Variants in TMC2 observed in about 807,000 individuals in gnomAD.
TMC2 encodes transmembrane channel-like protein 2.
A neutral mutation model predicts 105.9 loss-of-function variants in TMC2; 102 were observed. That is an observed-to-expected ratio of 0.96 (90% CI 0.82 to 1.14). The LOEUF (loss-of-function observed/expected upper bound fraction) is 1.14, where lower values mean the gene tolerates loss of function less well. Ranked by LOEUF, TMC2 falls within the 50% of genes most tolerant of loss-of-function variation. TMC2 has a pLI of 0.00. For synonymous variants in TMC2, 402 were observed against 422.8 expected, an observed-to-expected ratio of 0.95 and a Z score of 0.60; for missense variants, 1,093 against 1,134.3, an observed-to-expected ratio of 0.96 and a Z score of 0.52.
At chr20:2,581,976 AAGAG>A (rs373484242) in intron 7 of TMC2, among the ~76,000 whole-genome samples, 13 of 151,284 alleles carry the variant, frequency 8.6e-5, no homozygotes, top group African/African-American at 3.1e-4. Flanking sequence ...GGTTGAGAGT[AAGAG>A]AGAGAGAGAG....
Position 2,561,948 on chromosome 20 carries a change from G to A in TMC2, c.492G>A (p.Lys164=), listed in dbSNP as rs1600101619. ...TCCTGGAGCAGGTGGAAGAAAAAAAGAAGCTCATTGCCACCATGCGGAGCA... is the reference window on the plus strand; with the variant it reads ...TCCTGGAGCAGGTGGAAGAAAAAAAAAAGCTCATTGCCACCATGCGGAGCA... ...AQILEQVEEK[K]KLIATMRSKP... Residue 164 remains lysine (K), a synonymous_variant, in exon 4 of 20, where the codon AAG becomes AAA. Transcript: ENST00000358864. 1 of 1,614,250 alleles carries A rather than the reference G, an allele frequency of 6.2e-7. No individual in the cohort carries two copies.
At chr20:2,602,402 C>A in intron 11 of TMC2, 101 bp downstream of exon 11, 1 of 892,652 alleles carries the variant, frequency 1.1e-6, no homozygotes, top group Non-Finnish European at 1.6e-6. Flanking sequence ...GGATTATAGG[C>A]TTGTTTTAAT....
chr20:2,595,625 T>C (rs1260704363), intron 9 of TMC2, among the ~76,000 whole-genome samples: 1 of 152,186 alleles, frequency 6.6e-6, no homozygotes, highest in Admixed American at 6.5e-5. Context: ...CATGGATTGA[T>C]CGCCTTCTTC....
chr20:2,609,360 C>A (rs2086417619), intron 11 of TMC2, among the ~76,000 whole-genome samples: 1 of 152,094 alleles, frequency 6.6e-6, no homozygotes, highest in Non-Finnish European at 1.5e-5. Context: ...GATGGGAGAA[C>A]TGAGGAATAG....
At chr20:2,624,704 AT>A (rs373947400) in intron 17 of TMC2, among the ~76,000 whole-genome samples, 194 of 152,270 alleles carry the variant, frequency 1.3e-3, no homozygotes, top group African/African-American at 4.3e-3. Flanking sequence ...CATGGGTAAA[AT>A]GGCTTCAAGG....
intron 2 of TMC2, among the ~76,000 whole-genome samples, chr20:2,546,483 G>GCTGGGCATAAGCTGTAGATC (rs1555770070): frequency 2.0e-5 from 3 of 149,774 alleles, no homozygotes; most frequent in African/African-American, 4.9e-5. Context: ...AACCTGCAGA[G>GCTGGGCATAAGCTGTAGATC]TTGGGCATAA....
rs548950416 is a variant in TMC2 at position 2,616,343 on chromosome 20, A to G, written c.1940+139A>G. 8.4e-6 allele frequency: 6 copies of G among 711,938 alleles called. No individual in the cohort carries two copies. The highest frequency in any genetic ancestry group is 4.8e-4 in the Middle Eastern group (2 of 4,180). The allele number at this position is 711,938 out of a possible 1,614,324, so 44.1% of individuals were successfully genotyped here. On this transcript the variant is annotated intron_variant, in intron 15 of 19. Transcript: ENST00000358864. This position sits in a 1 kb window ranked among gnomAD's most constrained non-coding sequence, Gnocchi z 4.8. ...TGAACTCCCCTCTTTCACATGAAAA[A>G]TCAAGAGCGGGACTAGATGAGAAGC...
Position 2,616,034 on chromosome 20 carries a change from A to G in TMC2, c.1873-103A>G. On this transcript the variant is annotated intron_variant, in intron 14 of 19. Coordinates refer to ENST00000358864, the MANE Select transcript of TMC2 (RefSeq NM_080751.3). The surrounding 1 kb of genome is among the most constrained non-coding windows in gnomAD (Gnocchi z 4.8). ...ACCAGAGCAGGCTCTTTGGGATGGA[A>G]TGGCCTTGGCTTGGCCAGTTGGTTG... 2 of 807,832 alleles carry G rather than the reference A, an allele frequency of 2.5e-6. No homozygotes were observed. Among genetic ancestry groups the G allele is most frequent in the Non-Finnish European group, 4.1e-6 (2 of 484,042 alleles). The allele number at this position is 807,832 out of a possible 1,614,324, so 50.0% of individuals were successfully genotyped here. A position where few individuals can be genotyped will look rare whatever the true frequency, so the allele number is the denominator to read the frequency against.
intron 8 of TMC2, among the ~76,000 whole-genome samples, chr20:2,594,296 C>T (rs1442111453): frequency 6.9e-6 from 1 of 145,424 alleles, no homozygotes; most frequent in Non-Finnish European, 1.5e-5. Flanking sequence ...GGCATGATCT[C>T]TGCTCACTGC....
intron 7 of TMC2, among the ~76,000 whole-genome samples, chr20:2,584,254 C>G (rs1027136667): frequency 6.6e-6 from 1 of 151,416 alleles, no homozygotes; most frequent in Non-Finnish European, 1.5e-5. Flanking sequence ...ACCATCCCGG[C>G]TAACACGGTG....
chr20:2,625,091 G>A (rs933162977), intron 17 of TMC2, among the ~76,000 whole-genome samples: 1 of 152,122 alleles, frequency 6.6e-6, no homozygotes, highest in Middle Eastern at 3.2e-3. Context: ...AAATGCTCAA[G>A]GAAAGAACTA....
intron 7 of TMC2, among the ~76,000 whole-genome samples, chr20:2,584,443 CAAAAA>C (rs1161913633): frequency 2.9e-5 from 2 of 70,128 alleles, no homozygotes; most frequent in Non-Finnish European, 2.9e-5. Context: ...GACTCCGTCT[CAAAAA>C]AAAAAAAAAA....
At chr20:2,536,868 C>T (rs960398947) in intron 1 of TMC2, among the ~76,000 whole-genome samples, 1 of 152,228 alleles carries the variant, frequency 6.6e-6, no homozygotes, top group Non-Finnish European at 1.5e-5. Context: ...CCTTGCAGGG[C>T]TACTGGAAGG....
intron 2 of TMC2, among the ~76,000 whole-genome samples, chr20:2,552,538 T>A (rs2085963106): frequency 6.6e-6 from 1 of 152,226 alleles, no homozygotes; most frequent in Non-Finnish European, 1.5e-5. Flanking sequence ...TGTTTGTTTT[T>A]GAGACAGAGT....
chr20:2,543,462 G>A (rs1400590070), intron 2 of TMC2, among the ~76,000 whole-genome samples: 1 of 152,196 alleles, frequency 6.6e-6, no homozygotes, highest in Admixed American at 6.5e-5. Flanking sequence ...GAGACTGGGT[G>A]AGAATCACAA....
chr20:2,641,406 T>C lies in TMC2; in HGVS notation c.*55T>C. ...AGGGCTGATCCTCAAGTACCCCAGTTTCACACATACCAAACCAAGGTTCTC... is the reference window on the plus strand; with the variant it reads ...AGGGCTGATCCTCAAGTACCCCAGTCTCACACATACCAAACCAAGGTTCTC... On this transcript the variant is annotated 3_prime_UTR_variant, in exon 20 of 20. Coordinates refer to ENST00000358864, the MANE Select transcript of TMC2 (RefSeq NM_080751.3). 1 of 1,169,890 alleles carries C rather than the reference T, an allele frequency of 8.5e-7. No individual in the cohort carries two copies. Among genetic ancestry groups the C allele is most frequent in the Admixed American group, 1.9e-5 (1 of 52,306 alleles). 72.5% of individuals were successfully genotyped at this position (1,169,890 alleles called of 1,614,324 possible).
At chr20:2,569,061 C>T (rs1035473883) in intron 4 of TMC2, among the ~76,000 whole-genome samples, 9 of 152,150 alleles carry the variant, frequency 5.9e-5, no homozygotes, top group East Asian at 3.8e-4. Context: ...ATTCTTCACT[C>T]GCATGATTGG....
At chr20:2,562,081 C>T (rs1427082334) in intron 4 of TMC2, 71 bp downstream of exon 4, 22 of 1,525,474 alleles carry the variant, frequency 1.4e-5, no homozygotes, top group Non-Finnish European at 1.9e-5. Flanking sequence ...GGGAGCCCTC[C>T]CTCCACATTT....
intron 5 of TMC2, among the ~76,000 whole-genome samples, chr20:2,576,952 T>A (rs34780230): frequency 0.14 from 19,974 of 145,228 alleles, 1,900 homozygotes; most frequent in African/African-American, 0.26. Flanking sequence ...TCTGTCACCC[T>A]GGCTGGAGTG....
Sources: allele counts gnomAD v4.1 joint callset (sites outside exome capture counted in the v4.1 genomes callset), GRCh38; gene constraint gnomAD v4.1.1; non-coding constraint Gnocchi (gnomAD v3.1); transcripts MANE v1.5; gene names NCBI Gene and HGNC (gene_info 2026-07-23, HGNC 2026-07-21).